FMNL2: variants seen among roughly 807,000 people sequenced by gnomAD.
FMNL2 encodes formin-like protein 2.
A neutral mutation model predicts 130.2 loss-of-function variants in FMNL2; 51 were observed. That is an observed-to-expected ratio of 0.39 (90% CI 0.31 to 0.49). FMNL2 has a LOEUF of 0.49. Ranked by LOEUF, FMNL2 falls within the 20% of genes least tolerant of loss-of-function variation. FMNL2 has a pLI of 0.85. For synonymous variants in FMNL2, 465 were observed against 467.1 expected, an observed-to-expected ratio of 1.00 and a Z score of 0.06; for missense variants, 977 against 1,316.2, an observed-to-expected ratio of 0.74 and a Z score of 3.99.
At chr2:152,519,052 G>T (rs1345995826) in intron 1 of FMNL2, among the ~76,000 whole-genome samples, 2 of 151,854 alleles carry the variant, frequency 1.3e-5, no homozygotes, top group Admixed American at 6.6e-5. Context: ...ACTTTTTTCA[G>T]CTCCTTAAAT....
chr2:152,595,474 A>C (rs1697712795), intron 9 of FMNL2, among the ~76,000 whole-genome samples: 1 of 152,000 alleles, frequency 6.6e-6, no homozygotes, highest in Non-Finnish European at 1.5e-5. Context: ...ACACGCCACC[A>C]CGCCCAGCTA....
At chr2:152,456,839 G>T (rs1403029622) in intron 1 of FMNL2, among the ~76,000 whole-genome samples, 1 of 151,654 alleles carries the variant, frequency 6.6e-6, no homozygotes, top group African/African-American at 2.4e-5. Context: ...TCAGGAGGCT[G>T]AGGCAGGAGA....
intron 1 of FMNL2, among the ~76,000 whole-genome samples, chr2:152,511,895 C>A (rs1185056756): frequency 5.9e-5 from 9 of 152,084 alleles, no homozygotes; most frequent in Admixed American, 5.9e-4. Flanking sequence ...ATCTTGATAT[C>A]TAATATGTTA....
chr2:152,508,384 T>C (rs145123145), intron 1 of FMNL2, among the ~76,000 whole-genome samples: 46 of 152,282 alleles, frequency 3.0e-4, no homozygotes, highest in African/African-American at 1.1e-3. Flanking sequence ...GCACTTGGAG[T>C]TGCATTTCCC....
chr2:152,457,024 T>C (rs1020951663), intron 1 of FMNL2, among the ~76,000 whole-genome samples: 3 of 152,146 alleles, frequency 2.0e-5, no homozygotes, highest in African/African-American at 7.2e-5. Flanking sequence ...CTATACTTGC[T>C]ACCAATTCTG....
intron 1 of FMNL2, among the ~76,000 whole-genome samples, chr2:152,352,715 T>G (rs1266892073): frequency 1.2e-5 from 1 of 85,650 alleles, no homozygotes; most frequent in African/African-American, 6.1e-5. Context: ...GATCAAATCT[T>G]TTTTTTTTTT....
intron 1 of FMNL2, among the ~76,000 whole-genome samples, chr2:152,511,033 T>C (rs537284640): frequency 1.3e-5 from 2 of 152,356 alleles, no homozygotes; most frequent in South Asian, 4.1e-4. Context: ...TTCAGGTATC[T>C]GAGTCTCTGT....
At chr2:152,494,001 C>T (rs1225952853) in intron 1 of FMNL2, among the ~76,000 whole-genome samples, 1 of 152,154 alleles carries the variant, frequency 6.6e-6, no homozygotes, top group Non-Finnish European at 1.5e-5. Flanking sequence ...TTGGTGTGTA[C>T]ACAGGCTGGA....
At chr2:152,443,671 C>T (rs980158243) in intron 1 of FMNL2, among the ~76,000 whole-genome samples, 3 of 151,802 alleles carry the variant, frequency 2.0e-5, no homozygotes, top group Admixed American at 1.3e-4. Flanking sequence ...AGTGAAACCC[C>T]GTCTCTACGA....
chr2:152,611,580 A>T lies in FMNL2; in HGVS notation c.1037A>T (p.Lys346Ile). 2 of 1,602,180 alleles carry T rather than the reference A, an allele frequency of 1.2e-6. No homozygotes were observed. Among genetic ancestry groups the T allele is most frequent in the Non-Finnish European group, 1.7e-6 (2 of 1,172,782 alleles). ...FRVHLQYEFT[K>I]LGLDEYLDKL... Reference sequence around the variant, plus strand: ...GTTCACCTGCAGTATGAATTTACCAAATTAGGCCTGGACGAATACTTGGAC... The same window carrying T: ...GTTCACCTGCAGTATGAATTTACCATATTAGGCCTGGACGAATACTTGGAC... The change falls in exon 11 of 26, where the codon AAA (lysine) becomes ATA (isoleucine). Residue 346 changes from lysine to isoleucine, a missense_variant. Physicochemically the swap from Lys to Ile is moderately radical, Grantham distance 102. Around this residue, in one of 4 missense-constraint regions of FMNL2, gnomAD observed 689 missense variants for 995.9 expected, o/e 0.69. Transcript: ENST00000288670.
rs1682627794 is a variant in FMNL2 at position 152,636,601 on chromosome 2, G to T, written c.2844+11G>T. On this transcript the variant is annotated intron_variant, in intron 22 of 25. Coordinates refer to ENST00000288670, the MANE Select transcript of FMNL2 (RefSeq NM_052905.4). ...GCCAAGATCGCACAGGCAAGTATTG[G>T]TGCCCCTGAAACCTGTGAAGAGGCT... The T allele has an allele frequency of 6.4e-7, 1 of 1,553,360 alleles. No homozygotes were observed. Among genetic ancestry groups the T allele is most frequent in the African/African-American group, 1.4e-5 (1 of 73,234 alleles).
At position 152,617,252 on chromosome 2, in the gene FMNL2, G is replaced by A. The variant is rs774778707; in HGVS notation, c.1314+60G>A. The A allele has an allele frequency of 6.8e-5, 101 of 1,481,356 alleles. 2 individuals carry two copies. The highest frequency in any genetic ancestry group is 2.5e-4 in the South Asian group (22 of 86,390). The allele number at this position is 1,481,356 out of a possible 1,614,324, so 91.8% of individuals were successfully genotyped here. ...CGGTAGGGAATGTACTCCAGCTTTC[G>A]TCCAGTGGAACGCAGAGTACCTTCA... On this transcript the variant is annotated intron_variant, in intron 13 of 25. Transcript: ENST00000288670.
At chr2:152,404,778 T>G (rs1198702336) in intron 1 of FMNL2, among the ~76,000 whole-genome samples, 1 of 152,114 alleles carries the variant, frequency 6.6e-6, no homozygotes, top group Non-Finnish European at 1.5e-5. Context: ...TGGAATAAAT[T>G]ATATGTATAA....
chr2:152,366,957 C>G (rs1017670327), intron 1 of FMNL2, among the ~76,000 whole-genome samples: 1 of 152,074 alleles, frequency 6.6e-6, no homozygotes, highest in Admixed American at 6.6e-5. Context: ...TGTATTCCAG[C>G]CAGGGCAGCA....
chr2:152,402,817 C>T (rs1463727687), intron 1 of FMNL2, among the ~76,000 whole-genome samples: 1 of 152,120 alleles, frequency 6.6e-6, no homozygotes, highest in Non-Finnish European at 1.5e-5. Context: ...ACTTAATGAG[C>T]CAATACAGTT....
chr2:152,502,496 G>A (rs1341194895), intron 1 of FMNL2, among the ~76,000 whole-genome samples: 5 of 152,194 alleles, frequency 3.3e-5, no homozygotes, highest in Admixed American at 3.3e-4. Flanking sequence ...AGACCAGCCT[G>A]GCCAAAATGG....
At chr2:152,433,524 G>A (rs1459934950) in intron 1 of FMNL2, among the ~76,000 whole-genome samples, 1 of 152,172 alleles carries the variant, frequency 6.6e-6, no homozygotes, top group Non-Finnish European at 1.5e-5. Context: ...AGTCTTTTCT[G>A]TTGCCTAGTG....
intron 1 of FMNL2, among the ~76,000 whole-genome samples, chr2:152,428,678 AG>A (rs1368017260): frequency 6.6e-6 from 1 of 152,162 alleles, no homozygotes; most frequent in Non-Finnish European, 1.5e-5. Flanking sequence ...GAGGTTGAGA[AG>A]TTTCTAGTAT....
At chr2:152,429,331 T>C (rs1222810601) in intron 1 of FMNL2, among the ~76,000 whole-genome samples, 1 of 152,104 alleles carries the variant, frequency 6.6e-6, no homozygotes, top group African/African-American at 2.4e-5. Flanking sequence ...CTGCCTTACA[T>C]TGTGTGTAAA....
Sources: gnomAD v4.1 joint callset for allele counts (sites outside exome capture counted in the v4.1 genomes callset) on GRCh38, gnomAD v4.1.1 for gene constraint, gnomAD v4.1.1 regional missense constraint, MANE v1.5 for transcripts, NCBI Gene and HGNC (gene_info 2026-07-23, HGNC 2026-07-21) for gene names.